PRELID2: variants seen among roughly 807,000 people sequenced by gnomAD.
The protein encoded by PRELID2 is PRELI domain containing 2, also known as PRELI domain-containing protein 2.
A neutral mutation model predicts 28.4 loss-of-function variants in PRELID2; 25 were observed. That is an observed-to-expected ratio of 0.88 (90% CI 0.64 to 1.23). The LOEUF is 1.23. PRELID2 is among the 50% of genes most tolerant of loss of function. The pLI is 0.00. For synonymous variants in PRELID2, 76 were observed against 71.6 expected (o/e 1.06, Z -0.31); for missense variants, 201 against 214.4 (o/e 0.94, Z 0.39).
At chr5:145,774,351 G>T (rs1429530988) in intron 5 of PRELID2, among the ~76,000 whole-genome samples, 2 of 152,206 alleles carry the variant, frequency 1.3e-5, no homozygotes, top group Non-Finnish European at 2.9e-5. Context: ...TTACCTCACT[G>T]AATGTGTTTC....
chr5:145,379,826 C>A, the PRELID2 span, among the ~76,000 whole-genome samples: 1 of 152,110 alleles, frequency 6.6e-6, no homozygotes, highest in East Asian at 1.9e-4. Context: ...GAAGCAGAAG[C>A]TATGGTGTGG....
intron 1 of PRELID2, among the ~76,000 whole-genome samples, chr5:145,660,282 T>C (rs1161959915): frequency 6.6e-6 from 1 of 152,128 alleles, no homozygotes; most frequent in African/African-American, 2.4e-5. Flanking sequence ...GTGTTTCTTT[T>C]CTAAATTATG....
intron 1 of PRELID2, among the ~76,000 whole-genome samples, chr5:145,625,766 A>G (rs1753836796): frequency 6.6e-6 from 1 of 152,162 alleles, no homozygotes; most frequent in African/African-American, 2.4e-5. Context: ...TGTATACTTT[A>G]AATAGAGTGA....
At chr5:145,681,111 A>T (rs1754927557) in intron 1 of PRELID2, among the ~76,000 whole-genome samples, 1 of 152,106 alleles carries the variant, frequency 6.6e-6, no homozygotes, top group Admixed American at 6.6e-5. Context: ...ACTCAGGGGG[A>T]AGCTGCTTCC....
At chr5:145,269,871 T>C in the PRELID2 span, among the ~76,000 whole-genome samples, 1 of 144,854 alleles carries the variant, frequency 6.9e-6, no homozygotes, top group African/African-American at 2.7e-5. Flanking sequence ...TATATACATA[T>C]ATATGTATAT....
the PRELID2 span, among the ~76,000 whole-genome samples, chr5:145,348,582 G>A: frequency 1.3e-5 from 2 of 151,934 alleles, no homozygotes; most frequent in South Asian, 4.1e-4. Flanking sequence ...TAAGACAAGA[G>A]GGTATTGCTT....
chr5:145,659,125 G>T (rs1418804480), intron 1 of PRELID2, among the ~76,000 whole-genome samples: 3 of 152,180 alleles, frequency 2.0e-5, no homozygotes, highest in Non-Finnish European at 2.9e-5. Flanking sequence ...CAAAGTGGTA[G>T]GGCTATGGCA....
At chr5:145,658,027 G>A (rs1218810629) in intron 1 of PRELID2, among the ~76,000 whole-genome samples, 1 of 152,188 alleles carries the variant, frequency 6.6e-6, no homozygotes, top group African/African-American at 2.4e-5. Context: ...CACAGTCAGT[G>A]TGCTACAGAC....
chr5:145,316,159 A>G, the PRELID2 span, among the ~76,000 whole-genome samples: 1 of 152,218 alleles, frequency 6.6e-6, no homozygotes, highest in Admixed American at 6.5e-5. Context: ...GGGTCTGTAT[A>G]TTGCTGTTGG....
chr5:145,610,396 G>A (rs1405372277), intron 1 of PRELID2, among the ~76,000 whole-genome samples: 1 of 151,894 alleles, frequency 6.6e-6, no homozygotes, highest in Non-Finnish European at 1.5e-5. Flanking sequence ...GCTGCTTCTA[G>A]TCCACCATCT....
chr5:145,676,930 G>A (rs1261273331), intron 1 of PRELID2, among the ~76,000 whole-genome samples: 5 of 152,012 alleles, frequency 3.3e-5, no homozygotes, highest in African/African-American at 7.2e-5. Context: ...ACCTTAGATC[G>A]AAGGAGGCTT....
At chr5:145,495,410 C>T (rs1752301927) in intron 1 of PRELID2, among the ~76,000 whole-genome samples, 1 of 152,164 alleles carries the variant, frequency 6.6e-6, no homozygotes, top group South Asian at 2.1e-4. Flanking sequence ...TTAGTCAATC[C>T]AAGCTTTCTT....
At chr5:145,428,581 G>A in the PRELID2 span, among the ~76,000 whole-genome samples, 1 of 152,210 alleles carries the variant, frequency 6.6e-6, no homozygotes, top group Non-Finnish European at 1.5e-5. Flanking sequence ...TATACCTAAT[G>A]TAAATGACAA....
chr5:145,451,376 C>T, the PRELID2 span, among the ~76,000 whole-genome samples: 2 of 152,312 alleles, frequency 1.3e-5, no homozygotes, highest in Admixed American at 6.5e-5. Context: ...ACTGCTTCAT[C>T]CTTACCGGTC....
intron 1 of PRELID2, among the ~76,000 whole-genome samples, chr5:145,638,823 A>G (rs560948689): frequency 2.6e-5 from 4 of 152,378 alleles, no homozygotes; most frequent in African/African-American, 9.6e-5. Context: ...GCACCCAAGA[A>G]GCAGAGAAGA....
the PRELID2 span, among the ~76,000 whole-genome samples, chr5:145,323,568 G>A: frequency 6.6e-6 from 1 of 152,156 alleles, no homozygotes; most frequent in Non-Finnish European, 1.5e-5. Context: ...TCATCACCCA[G>A]GTAATAAGCA....
the PRELID2 span, among the ~76,000 whole-genome samples, chr5:145,298,418 T>C: frequency 6.6e-6 from 1 of 152,156 alleles, no homozygotes; most frequent in Non-Finnish European, 1.5e-5. Context: ...GCTAGCCATA[T>C]GTAGAAAGCT....
At chr5:145,692,209 A>T (rs571717955) in intron 1 of PRELID2, among the ~76,000 whole-genome samples, 8 of 152,208 alleles carry the variant, frequency 5.3e-5, no homozygotes, top group Non-Finnish European at 1.2e-4. Flanking sequence ...TGCTGAGCAC[A>T]TAGTATGCTC....
At chr5:145,249,507 A>G in the PRELID2 span, among the ~76,000 whole-genome samples, 1 of 152,080 alleles carries the variant, frequency 6.6e-6, no homozygotes, top group Non-Finnish European at 1.5e-5. Flanking sequence ...AAGCCAAAAT[A>G]CTTGTTTTTT....
Sources: gnomAD v4.1 joint callset for allele counts (sites outside exome capture counted in the v4.1 genomes callset) on GRCh38, gnomAD v4.1.1 for gene constraint, MANE v1.5 for transcripts, NCBI Gene and HGNC (gene_info 2026-07-23, HGNC 2026-07-21) for gene names.